SLC25A21: variants seen among roughly 807,000 people sequenced by gnomAD.
SLC25A21 encodes mitochondrial 2-oxodicarboxylate carrier.
Under a neutral mutation model 43.8 loss-of-function variants are expected in SLC25A21, and 47 were observed. The observed-to-expected ratio is 1.07, with a 90% CI of 0.85 to 1.37. The LOEUF is 1.37. Ranked by LOEUF, SLC25A21 falls within the 40% of genes most tolerant of loss-of-function variation. SLC25A21 has a pLI of 0.00. For synonymous variants in SLC25A21, 131 were observed against 121.3 expected (o/e 1.08, Z -0.52); for missense variants, 352 against 350.2 (o/e 1.00, Z -0.04).
intron 1 of SLC25A21, among the ~76,000 whole-genome samples, chr14:36,957,604 C>A (rs1285947346): frequency 2.0e-5 from 3 of 152,206 alleles, no homozygotes; most frequent in Admixed American, 6.5e-5. Context: ...TCATCAACTG[C>A]AATGAAAATG....
intron 2 of SLC25A21, among the ~76,000 whole-genome samples, chr14:36,825,205 G>A (rs774787079): frequency 8.5e-5 from 13 of 152,230 alleles, no homozygotes; most frequent in Admixed American, 2.6e-4. Context: ...GAGGAATATC[G>A]TCAAGGCCAG....
intron 1 of SLC25A21, among the ~76,000 whole-genome samples, chr14:36,883,486 CT>C: frequency 6.6e-6 from 1 of 152,294 alleles, no homozygotes; most frequent in South Asian, 2.1e-4. Context: ...TGTGTACCAA[CT>C]TCTAACATAC....
At chr14:36,812,856 C>A (rs1483637636) in intron 3 of SLC25A21, among the ~76,000 whole-genome samples, 1 of 152,144 alleles carries the variant, frequency 6.6e-6, no homozygotes, top group African/African-American at 2.4e-5. Context: ...TTACTAACTT[C>A]TCTGAGTCTT....
intron 1 of SLC25A21, among the ~76,000 whole-genome samples, chr14:36,930,608 T>C (rs1362148414): frequency 6.6e-6 from 1 of 152,086 alleles, no homozygotes; most frequent in Non-Finnish European, 1.5e-5. Flanking sequence ...GCCCCTGCTG[T>C]ATCATCTATA....
chr14:37,011,301 C>T (rs955467169), intron 1 of SLC25A21, among the ~76,000 whole-genome samples: 3 of 152,210 alleles, frequency 2.0e-5, no homozygotes, highest in Non-Finnish European at 4.4e-5. Flanking sequence ...TAAGCCACCA[C>T]ACCTGACCTA....
rs1203180776 is a variant in SLC25A21, at chr14:36,987,720, AT to A, written c.71-112717del. 1.1e-4 allele frequency among the ~76,000 whole-genome samples: 17 copies of A among 152,260 alleles called. No homozygotes were observed. In the South Asian group the frequency reaches 1.2e-3, roughly 11 times the overall value. On this transcript the variant is annotated intron_variant, in intron 1 of 9. Transcript: ENST00000331299. ...GTTGTTTCCATTTTTCCTATTATAC[AT>A]AATGTTCTAAAGGATATTTTTGTTC...
At chr14:37,082,635 T>G (rs1176898587) in intron 1 of SLC25A21, among the ~76,000 whole-genome samples, 8 of 152,092 alleles carry the variant, frequency 5.3e-5, no homozygotes, top group Admixed American at 5.2e-4. Context: ...TAGCAAATAT[T>G]CAAAAAATGT....
chr14:37,101,687 A>G (rs1315706213), intron 1 of SLC25A21, among the ~76,000 whole-genome samples: 1 of 152,236 alleles, frequency 6.6e-6, no homozygotes, highest in African/African-American at 2.4e-5. Flanking sequence ...TTACAATATA[A>G]TAACTTTTTA....
intron 1 of SLC25A21, among the ~76,000 whole-genome samples, chr14:36,944,097 T>A (rs865787295): frequency 9.2e-5 from 14 of 152,220 alleles, no homozygotes; most frequent in African/African-American, 3.4e-4. Context: ...TCCATTTACA[T>A]CACAGAGCCA....
At chr14:36,909,605 T>C (rs533680812) in intron 1 of SLC25A21, among the ~76,000 whole-genome samples, 1 of 152,330 alleles carries the variant, frequency 6.6e-6, no homozygotes, top group Admixed American at 6.5e-5. Flanking sequence ...TCCAAATTCA[T>C]GGGTTTTTCT....
At chr14:36,981,991 G>A (rs375155870) in intron 1 of SLC25A21, among the ~76,000 whole-genome samples, 204 of 152,202 alleles carry the variant, frequency 1.3e-3, no homozygotes, top group Admixed American at 2.3e-3. Context: ...CACACAACAC[G>A]CTTAAGTTTT....
intron 2 of SLC25A21, among the ~76,000 whole-genome samples, chr14:36,830,187 G>C (rs1888985899): frequency 6.6e-6 from 1 of 152,168 alleles, no homozygotes; most frequent in Non-Finnish European, 1.5e-5. Flanking sequence ...ATATGTCATA[G>C]AGTATTGCAT....
rs558495609 is a variant in SLC25A21 at position 36,850,919 on chromosome 14, G to A, written c.119+24037C>T. On this transcript the variant is annotated intron_variant, in intron 2 of 9. Transcript: ENST00000331299. ...CACACAGGGACCACGGCTGGCAACA[G>A]AGAGTCCTTTCTTCTACCTATTCTT... 4.6e-5 allele frequency among the ~76,000 whole-genome samples: 7 copies of A among 152,304 alleles called. No individual in the cohort carries two copies. The East Asian group carries it at 9.6e-4, about 21-fold the overall frequency.
intron 1 of SLC25A21, among the ~76,000 whole-genome samples, chr14:36,882,996 A>G (rs994783850): frequency 6.6e-6 from 1 of 152,044 alleles, no homozygotes; most frequent in South Asian, 2.1e-4. Context: ...CTCTGGTCCA[A>G]GTCATGATTA....
chr14:36,983,337 T>C (rs1174135719), intron 1 of SLC25A21, among the ~76,000 whole-genome samples: 2 of 152,202 alleles, frequency 1.3e-5, no homozygotes, highest in African/African-American at 2.4e-5. Context: ...TTCTGATTCA[T>C]TTATTTCACA....
chr14:36,697,568 G>T (rs1203384296), intron 7 of SLC25A21, among the ~76,000 whole-genome samples: 1 of 152,038 alleles, frequency 6.6e-6, no homozygotes, highest in African/African-American at 2.4e-5. Context: ...GGTCTCTAAG[G>T]ACTTGCTTTA....
At chr14:36,785,769 C>A (rs775601928) in intron 3 of SLC25A21, among the ~76,000 whole-genome samples, 2 of 152,062 alleles carry the variant, frequency 1.3e-5, no homozygotes, top group African/African-American at 4.8e-5. Flanking sequence ...AATGACGGTG[C>A]AAGAACAGAC....
chr14:37,029,667 A>C (rs959169353), intron 1 of SLC25A21, among the ~76,000 whole-genome samples: 45 of 152,138 alleles, frequency 3.0e-4, no homozygotes, highest in African/African-American at 9.9e-4. Flanking sequence ...GCCTTTCAGC[A>C]AGATAGGGAG....
intron 3 of SLC25A21, among the ~76,000 whole-genome samples, chr14:36,750,565 T>TG (rs1885668610): frequency 1.3e-5 from 2 of 152,216 alleles, no homozygotes; most frequent in South Asian, 4.1e-4. Context: ...TCTAATTTGA[T>TG]GGAGCTTTTG....
Sources: allele counts gnomAD v4.1 joint callset (sites outside exome capture counted in the v4.1 genomes callset), GRCh38; gene constraint gnomAD v4.1.1; transcripts MANE v1.5; gene names NCBI Gene and HGNC (gene_info 2026-07-23, HGNC 2026-07-21).